Variants in CHRNA7 observed in about 807,000 individuals in gnomAD.
The protein encoded by CHRNA7 is cholinergic receptor nicotinic alpha 7 subunit.
Under a neutral mutation model 48.0 loss-of-function variants are expected in CHRNA7, and 17 were observed. That is an observed-to-expected ratio of 0.35 (90% CI 0.24 to 0.53). CHRNA7 has a LOEUF of 0.53. CHRNA7 is among the 20% of genes least tolerant of loss of function. The pLI, the probability that CHRNA7 is intolerant of heterozygous loss-of-function variation, is 0.92. For synonymous variants in CHRNA7, 75 were observed against 242.3 expected (o/e 0.31, Z 6.41); for missense variants, 155 against 577.7 (o/e 0.27, Z 7.50).
Position 32,111,865 on chromosome 15 carries a change from C to G in CHRNA7, c.316C>G (p.Gln106Glu). ...GAAGACTGTTCGTTTCCCAGATGGC[C>G]AGATTTGGAAACCAGACATTCTTCT... is the stretch of plus-strand genomic sequence containing the variant. ...GVKTVRFPDG[Q>E]IWKPDILLYN... is the part of the protein sequence containing the mutation. Residue 106 changes from glutamine to glutamate, a missense_variant, in exon 4 of 10, where the codon CAG (glutamine) becomes GAG (glutamate). By Grantham distance (29) the Gln-to-Glu change is conservative (BLOSUM62 2). Transcript: ENST00000306901. 1 of 1,613,032 alleles carries G rather than the reference C, an allele frequency of 6.2e-7. No individual in the cohort carries two copies.
At chr15:32,078,424 T>A (rs2050166419) in intron 2 of CHRNA7, among the ~76,000 whole-genome samples, 2 of 152,180 alleles carry the variant, frequency 1.3e-5, no homozygotes, top group African/African-American at 4.8e-5. Context: ...TACATTTATT[T>A]TTTCGTATGT....
At chr15:32,082,366 CT>C (rs1242426963) in intron 2 of CHRNA7, among the ~76,000 whole-genome samples, 2 of 142,594 alleles carry the variant, frequency 1.4e-5, no homozygotes, top group South Asian at 2.3e-4. Context: ...ATAAGTCTGA[CT>C]TTTTTTTCAG....
intron 4 of CHRNA7, among the ~76,000 whole-genome samples, chr15:32,130,741 T>C (rs565387855): frequency 3.6e-4 from 55 of 152,148 alleles, no homozygotes; most frequent in African/African-American, 1.1e-3. Flanking sequence ...ACTACTGATA[T>C]AAACATCTTA....
intron 2 of CHRNA7, among the ~76,000 whole-genome samples, chr15:32,049,447 TATCAGAG>T (rs1330616642): frequency 6.6e-6 from 1 of 152,174 alleles, no homozygotes; most frequent in African/African-American, 2.4e-5. Context: ...AAGTCTGTTT[TATCAGAG>T]ACTAGGATTG....
intron 4 of CHRNA7, among the ~76,000 whole-genome samples, chr15:32,124,655 A>C: frequency 6.6e-6 from 1 of 150,480 alleles, no homozygotes; most frequent in East Asian, 2.0e-4. Flanking sequence ...AATCCACCTC[A>C]AAGTCAGAGA....
rs34200550 is a variant in CHRNA7, at chr15:32,059,944, C to CAAAAAAAAAAAAAAAA, written c.195+28922_195+28937dup. Among the ~76,000 whole-genome samples, 32 of 33,054 alleles carry CAAAAAAAAAAAAAAAA rather than the reference C, an allele frequency of 9.7e-4. 2 individuals carry two copies. Among genetic ancestry groups the CAAAAAAAAAAAAAAAA allele is most frequent in the East Asian group, 1.3e-3 (1 of 758 alleles). 21.7% of individuals were successfully genotyped at this position (33,054 alleles called of 152,430 possible). ...ATCTCTGAAACGCCAAGTAGAAAAG[C>CAAAAAAAAAAAAAAAA]AAAAAAAAAAAAAAAAAAAAAAAAA... On this transcript the variant is annotated intron_variant, in intron 2 of 9. Transcript: ENST00000306901.
chr15:32,058,426 G>A (rs1210177142), intron 2 of CHRNA7, among the ~76,000 whole-genome samples: 4 of 152,180 alleles, frequency 2.6e-5, no homozygotes, highest in Admixed American at 6.5e-5. Flanking sequence ...CCCTTTCCGG[G>A]GGTGTTTTGC....
intron 1 of CHRNA7, 91 bp downstream of exon 1, chr15:32,030,740 T>TA: frequency 6.6e-7 from 1 of 1,523,002 alleles, no homozygotes; most frequent in Non-Finnish European, 8.8e-7. Context: ...GGGCCAGGTT[T>TA]GGGATCTCCC....
chr15:32,104,573 T>G (rs1305319796), intron 3 of CHRNA7, among the ~76,000 whole-genome samples: 1 of 152,186 alleles, frequency 6.6e-6, no homozygotes, highest in African/African-American at 2.4e-5. Flanking sequence ...GTGTGCACAG[T>G]GTGGGGGACA....
At chr15:32,058,242 G>A (rs772100432) in intron 2 of CHRNA7, among the ~76,000 whole-genome samples, 8 of 152,132 alleles carry the variant, frequency 5.3e-5, no homozygotes, top group South Asian at 2.1e-4. Context: ...CCTCTTCCAT[G>A]CACAAAGCAG....
intron 4 of CHRNA7, among the ~76,000 whole-genome samples, chr15:32,141,256 C>G (rs1043330448): frequency 1.3e-5 from 2 of 152,060 alleles, no homozygotes; most frequent in South Asian, 2.1e-4. Flanking sequence ...ATTTCTGAGG[C>G]CTCTGTTCTC....
chr15:32,057,475 A>C (rs2049805661), intron 2 of CHRNA7, among the ~76,000 whole-genome samples: 1 of 152,208 alleles, frequency 6.6e-6, no homozygotes, highest in African/African-American at 2.4e-5. Flanking sequence ...GGTAATGAAC[A>C]TTTTGGTGTG....
intron 4 of CHRNA7, among the ~76,000 whole-genome samples, chr15:32,116,858 A>G (rs558763426): frequency 6.6e-6 from 1 of 152,246 alleles, no homozygotes; most frequent in African/African-American, 2.4e-5. Context: ...TCAGCCATCC[A>G]TTTTCATTGA....
At chr15:32,110,734 A>G (rs2050750047) in intron 3 of CHRNA7, among the ~76,000 whole-genome samples, 1 of 152,208 alleles carries the variant, frequency 6.6e-6, no homozygotes, top group African/African-American at 2.4e-5. Context: ...ATTTTGGTCT[A>G]AAATCAAATT....
intron 4 of CHRNA7, among the ~76,000 whole-genome samples, chr15:32,126,480 C>T (rs566538495): frequency 4.6e-5 from 7 of 152,300 alleles, no homozygotes; most frequent in African/African-American, 1.2e-4. Flanking sequence ...AAGAAGCCTT[C>T]GTATTTCAAA....
At chr15:32,079,265 C>T (rs2050180105) in intron 2 of CHRNA7, among the ~76,000 whole-genome samples, 1 of 152,146 alleles carries the variant, frequency 6.6e-6, no homozygotes, top group Admixed American at 6.5e-5. Context: ...CCTCTCCCAC[C>T]ACTCCCATTC....
intron 2 of CHRNA7, among the ~76,000 whole-genome samples, chr15:32,062,158 C>T (rs2049889944): frequency 6.6e-6 from 1 of 151,942 alleles, no homozygotes; most frequent in Non-Finnish European, 1.5e-5. Context: ...CTTATATTAC[C>T]ACTTTTTGCT....
chr15:32,080,755 A>T (rs1372292441), intron 2 of CHRNA7, among the ~76,000 whole-genome samples: 1 of 152,182 alleles, frequency 6.6e-6, no homozygotes, highest in Non-Finnish European at 1.5e-5. Flanking sequence ...AAGACCTAGA[A>T]CCAGAAATAC....
At chr15:32,062,264 C>T (rs1374855658) in intron 2 of CHRNA7, among the ~76,000 whole-genome samples, 1 of 152,220 alleles carries the variant, frequency 6.6e-6, no homozygotes, top group African/African-American at 2.4e-5. Flanking sequence ...ATAATTAACA[C>T]ACTTCCCTTC....
Sources: allele counts gnomAD v4.1 joint callset (sites outside exome capture counted in the v4.1 genomes callset), GRCh38; gene constraint gnomAD v4.1.1; transcripts MANE v1.5; gene names NCBI Gene and HGNC (gene_info 2026-07-23, HGNC 2026-07-21).